Variants in TMEM164 observed in about 807,000 individuals in gnomAD.
TMEM164 encodes RP13-360B22.2.
A neutral mutation model predicts 18.8 loss-of-function variants in TMEM164; 4 were observed. That is an observed-to-expected ratio of 0.21 (90% CI 0.10 to 0.49). The LOEUF is 0.49. Among genes scored for constraint, TMEM164 ranks in the 20% least tolerant of loss-of-function variants. The pLI, the probability that TMEM164 is intolerant of heterozygous loss-of-function variation, is 0.98. For missense variants in TMEM164, 108 were observed against 239.9 expected, an observed-to-expected ratio of 0.45 and a Z score of 3.63; for synonymous variants, 86 against 101.7, an observed-to-expected ratio of 0.85 and a Z score of 0.93.
Position 110,173,230 on chromosome X carries a change from C to G in TMEM164, c.688-15C>G. ...AGGATGGTGAACGCTCACTCTACCTCCCTTGTCCCTGCAGGTCACCGAAGT... is the reference window on the plus strand; with the variant it reads ...AGGATGGTGAACGCTCACTCTACCTGCCTTGTCCCTGCAGGTCACCGAAGT... On this transcript the variant is annotated splice_polypyrimidine_tract_variant and intron_variant, in intron 6 of 6. Transcript: ENST00000372068. 8.3e-7 allele frequency: 1 copy of G among 1,209,038 alleles called. No homozygotes were observed. The highest frequency in any genetic ancestry group is 1.1e-6 in the Non-Finnish European group (1 of 893,750).
At chrX:110,043,673 C>CA (rs199506664) in intron 2 of TMEM164, among the ~76,000 whole-genome samples, 4 of 111,511 alleles carry the variant, frequency 3.6e-5, no homozygotes, top group African/African-American at 1.3e-4. Context: ...TTCCTCGTTG[C>CA]AAAAAAAGCA....
chrX:110,123,944 C>T (rs1416161435), intron 4 of TMEM164, among the ~76,000 whole-genome samples: 3 of 111,548 alleles, frequency 2.7e-5, no homozygotes, highest in Non-Finnish European at 3.8e-5. Context: ...AGACCGGTCT[C>T]TACCAAAATT....
At chrX:110,056,081 G>A (rs1935813482) in intron 2 of TMEM164, among the ~76,000 whole-genome samples, 1 of 111,273 alleles carries the variant, frequency 9.0e-6, no homozygotes, top group African/African-American at 3.3e-5. Flanking sequence ...AATGTTTTTA[G>A]TATATTCACA....
chrX:110,165,907 A>C (rs967780850), intron 5 of TMEM164, among the ~76,000 whole-genome samples: 4 of 112,594 alleles, frequency 3.6e-5, no homozygotes, highest in Admixed American at 2.8e-4. Flanking sequence ...CATTGTCCAC[A>C]TTGCTGCTAG....
chrX:110,033,576 T>C (rs115742146), intron 2 of TMEM164, among the ~76,000 whole-genome samples: 132 of 111,640 alleles, frequency 1.2e-3, no homozygotes, highest in African/African-American at 4.2e-3. Context: ...TGGAGGAAGC[T>C]TGTGGATATA....
At chrX:110,143,870 C>T (rs185796859) in intron 4 of TMEM164, among the ~76,000 whole-genome samples, 1 of 110,211 alleles carries the variant, frequency 9.1e-6, no homozygotes, top group East Asian at 2.9e-4. Flanking sequence ...TCTGTAAGCC[C>T]AAGAGGCTAG....
chrX:110,163,145 C>T lies in TMEM164; in HGVS notation c.587-8275C>T, dbSNP rs188914945. On this transcript the variant is annotated intron_variant, in intron 5 of 6. Coordinates refer to ENST00000372068, the MANE Select transcript of TMEM164 (RefSeq NM_032227.4). ...TAGCAATGAAAAAGTCATTTGTGAC[C>T]TTAATGGGAGCTGTTTTGATGGAGG... Among the ~76,000 whole-genome samples, 3 of 111,638 alleles carry T rather than the reference C, an allele frequency of 2.7e-5. No homozygotes were observed. In the East Asian group the frequency reaches 8.4e-4, roughly 31 times the overall value.
chrX:110,126,894 A>C (rs921492515), intron 4 of TMEM164, among the ~76,000 whole-genome samples: 23 of 102,749 alleles, frequency 2.2e-4, no homozygotes, highest in Non-Finnish European at 4.5e-4. Context: ...AAGGTTCTTC[A>C]TGGAGTGGGT....
chrX:110,151,050 A>C (rs1247203049), intron 5 of TMEM164, among the ~76,000 whole-genome samples: 1 of 112,444 alleles, frequency 8.9e-6, no homozygotes, highest in Non-Finnish European at 1.9e-5. Flanking sequence ...ATTTGAAGCC[A>C]GTAGTATGGT....
intron 5 of TMEM164, among the ~76,000 whole-genome samples, chrX:110,163,855 G>T (rs886408272): frequency 1.8e-5 from 2 of 111,925 alleles, no homozygotes; most frequent in Non-Finnish European, 3.8e-5. Flanking sequence ...GGGAGCAGGG[G>T]AGTGAAGGAA....
chrX:110,164,920 G>A (rs2067140671), intron 5 of TMEM164, among the ~76,000 whole-genome samples: 2 of 112,386 alleles, frequency 1.8e-5, no homozygotes, highest in Non-Finnish European at 3.8e-5. Flanking sequence ...CAACAAAAGG[G>A]TGAAGGGAAC....
At chrX:110,151,716 G>A (rs946458558) in intron 5 of TMEM164, among the ~76,000 whole-genome samples, 5 of 111,548 alleles carry the variant, frequency 4.5e-5, no homozygotes, top group Non-Finnish European at 9.4e-5. Context: ...CCAGGAGGTG[G>A]AGGTTGCAGT....
intron 3 of TMEM164, among the ~76,000 whole-genome samples, chrX:110,095,947 G>A (rs1277103346): frequency 2.7e-5 from 3 of 112,359 alleles, no homozygotes; most frequent in Non-Finnish European, 3.8e-5. Flanking sequence ...TTTGCTGGAC[G>A]TCCACTCCAG....
chrX:110,003,702 C>A lies in TMEM164; in HGVS notation c.-73C>A. 8.9e-7 allele frequency: 1 copy of A among 1,118,035 alleles called. No individual in the cohort carries two copies. Among genetic ancestry groups the A allele is most frequent in the South Asian group, 2.1e-5 (1 of 46,833 alleles). 92.1% of individuals were successfully genotyped at this position (1,118,035 alleles called of 1,213,427 possible). ...TGCCCGCCTTACATGGTCCACCACCCGGGCAACCCTCTGGGCTTGTGTTCC... is the reference window on the plus strand; with the variant it reads ...TGCCCGCCTTACATGGTCCACCACCAGGGCAACCCTCTGGGCTTGTGTTCC... On this transcript the variant is annotated 5_prime_UTR_variant, in exon 2 of 7. Transcript: ENST00000372068.
chrX:110,067,362 T>C lies in TMEM164; in HGVS notation c.406T>C (p.Cys136Arg), dbSNP rs1207726542. The C allele has an allele frequency of 8.3e-7, 1 of 1,209,526 alleles. No individual in the cohort carries two copies. Among genetic ancestry groups the C allele is most frequent in the Non-Finnish European group, 1.1e-6 (1 of 894,618 alleles). Residue 136 changes from cysteine (C) to arginine (R), a missense_variant, in exon 3 of 7, where the codon TGC becomes CGC. Cys to Arg is a radical substitution (Grantham distance 180). Transcript: ENST00000372068. ...TCAATTGCAGATCTTTCTCCTGGCCTGCCCTCCATGTCGGGGAGCTATCGT... is the reference window on the plus strand; with the variant it reads ...TCAATTGCAGATCTTTCTCCTGGCCCGCCCTCCATGTCGGGGAGCTATCGT... ...VTMMHIFLLA[C>R]PPCRGAIVVF...
At chrX:110,037,291 A>G (rs1431116979) in intron 2 of TMEM164, among the ~76,000 whole-genome samples, 1 of 111,261 alleles carries the variant, frequency 9.0e-6, no homozygotes, top group Non-Finnish European at 1.9e-5. Flanking sequence ...GTGATAGGGA[A>G]CCATTAAAGA....
intron 2 of TMEM164, among the ~76,000 whole-genome samples, chrX:110,020,860 T>C (rs1340960929): frequency 9.1e-6 from 1 of 110,362 alleles, no homozygotes; most frequent in Admixed American, 9.7e-5. Context: ...ATAGTATAGC[T>C]TTTTAAAAGG....
chrX:110,003,469 C>CTT (rs66969246), intron 1 of TMEM164, 32 bp from the exon 2 acceptor site: 65 of 190,886 alleles, frequency 3.4e-4, no homozygotes, highest in Middle Eastern at 1.5e-3. Flanking sequence ...TTTGAGACCT[C>CTT]TTTTTTTTTT....
At chrX:110,116,876 GGTGTGTGT>G (rs34180052) in intron 4 of TMEM164, among the ~76,000 whole-genome samples, 2 of 98,963 alleles carry the variant, frequency 2.0e-5, no homozygotes, top group East Asian at 3.1e-4. Context: ...GTGTGTGTGT[GGTGTGTGT>G]GTGTGTGTGT....
Sources: allele counts gnomAD v4.1 joint callset (sites outside exome capture counted in the v4.1 genomes callset), GRCh38; gene constraint gnomAD v4.1.1; transcripts MANE v1.5; gene names NCBI Gene and HGNC (gene_info 2026-07-23, HGNC 2026-07-21).